Variants in SSB observed in about 807,000 individuals in gnomAD.
SSB encodes the protein lupus La protein.
Under a neutral mutation model 52.9 loss-of-function variants are expected in SSB, and 17 were observed. The observed-to-expected ratio is 0.32, with a 90% CI of 0.22 to 0.48. The LOEUF (loss-of-function observed/expected upper bound fraction) is 0.48, where lower values mean the gene tolerates loss of function less well. SSB is among the 20% of genes least tolerant of loss of function. The pLI is 0.99. For missense variants in SSB, 314 were observed against 463.6 expected (o/e 0.68, Z 2.96); for synonymous variants, 111 against 152.1 (o/e 0.73, Z 1.99).
rs1374573587 is a variant in SSB, at chr2:169,805,603, T to C, written c.170+26T>C. 8.1e-6 allele frequency: 13 copies of C among 1,612,230 alleles called. No homozygotes were observed. In the East Asian group the frequency reaches 2.7e-4, roughly 33 times the overall value. ...GTAACAAGCTTTTAAAAATAATCTT[T>C]AGGTTTTCTGTTTACAATGAGTGCT... On this transcript the variant is annotated intron_variant, in intron 3 of 11. Coordinates refer to ENST00000260956, the MANE Select transcript of SSB (RefSeq NM_003142.5).
At chr2:169,811,420 C>T in intron 11 of SSB, 97 bp downstream of exon 11, 3 of 1,394,290 alleles carry the variant, frequency 2.2e-6, no homozygotes, top group Non-Finnish European at 2.9e-6. Flanking sequence ...GGCTTTTCAA[C>T]TCCTGGATAA....
chr2:169,800,626 C>T (rs7572691), intron 1 of SSB, among the ~76,000 whole-genome samples: 117,708 of 151,068 alleles, frequency 0.78, 46,858 homozygotes, highest in South Asian at 0.88. Flanking sequence ...CTGTTTAAAA[C>T]TGGAAATGGT....
chr2:169,800,442 C>T (rs1249533195), intron 1 of SSB, among the ~76,000 whole-genome samples: 1 of 146,004 alleles, frequency 6.8e-6, no homozygotes, highest in Non-Finnish European at 1.5e-5. Context: ...GAGGCGAAGG[C>T]GGAATCGCTG....
rs1319868994 is a variant in SSB at position 169,799,266 on chromosome 2, T to A, written c.-10+290T>A. On this transcript the variant is annotated intron_variant, in intron 1 of 11. Transcript: ENST00000260956. ...AGAGACGGGACTGTGGCTGCCCTCA[T>A]CCCCATTGCGTCTTTTTTTTTTTTT... 3.0e-5 allele frequency: 4 copies of A among 133,478 alleles called. No homozygotes were observed. The Admixed American group carries it at 3.2e-4, about 11-fold the overall frequency. The allele number at this position is 133,478 out of a possible 1,614,324, so 8.3% of individuals were successfully genotyped here.
At chr2:169,806,764 A>G (rs759224561) in intron 4 of SSB, 21 bp from the exon 5 acceptor site, 1 of 1,555,136 alleles carries the variant, frequency 6.4e-7, no homozygotes, top group Middle Eastern at 1.7e-4. Context: ...TTATTTGTAC[A>G]TTTCTTCCCA....
intron 2 of SSB, 99 bp from the exon 3 acceptor site, chr2:169,805,375 T>C: frequency 1.2e-6 from 1 of 827,616 alleles, no homozygotes. Context: ...TTTTGTAACT[T>C]ATGTATTTTT....
In SSB at chr2:169,805,611, C is replaced by T. The variant is rs1242917938; in HGVS notation, c.170+34C>T. On this transcript the variant is annotated intron_variant, in intron 3 of 11. Transcript: ENST00000260956. Reference sequence around the variant, plus strand: ...CTTTTAAAAATAATCTTTAGGTTTTCTGTTTACAATGAGTGCTACTGCTGA... The same window carrying T: ...CTTTTAAAAATAATCTTTAGGTTTTTTGTTTACAATGAGTGCTACTGCTGA... 6 of 1,611,928 alleles carry T rather than the reference C, an allele frequency of 3.7e-6. No individual in the cohort carries two copies. The Admixed American group carries it at 6.7e-5, about 18-fold the overall frequency.
chr2:169,807,083 TGCTGATGTTTCTCC>T lies in SSB; in HGVS notation c.554+13_554+26del. On this transcript the variant is annotated intron_variant, in intron 6 of 11. Transcript: ENST00000260956. ...CTAATACTTTTCAAGTAAGTCTTTT[TGCTGATGTTTCTCC>T]TGGCCTTTTACTTATATGGACACAC... is the stretch of plus-strand genomic sequence containing the variant. 1 of 1,609,796 alleles carries T rather than the reference TGCTGATGTTTCTCC, an allele frequency of 6.2e-7. No homozygotes were observed. Among genetic ancestry groups the T allele is most frequent in the South Asian group, 1.1e-5 (1 of 90,778 alleles).
At position 169,811,938 on chromosome 2, in the gene SSB, T is replaced by C. The variant is rs1689973548; in HGVS notation, c.*182T>C. The C allele has an allele frequency of 6.8e-7, 1 of 1,471,130 alleles. No individual in the cohort carries two copies. The highest frequency in any genetic ancestry group is 2.3e-5 in the East Asian group (1 of 43,952). 91.1% of individuals were successfully genotyped at this position (1,471,130 alleles called of 1,614,324 possible). ...TGAGATTTCTTTGAATGTATTGTTC[T>C]GTTTGTGTTATTTCAGATGATTCAA... On this transcript the variant is annotated 3_prime_UTR_variant, in exon 12 of 12. Coordinates refer to ENST00000260956, the MANE Select transcript of SSB (RefSeq NM_003142.5).
chr2:169,810,139 C>T (rs1229495444), intron 8 of SSB, 144 bp from the exon 9 acceptor site: 1 of 436,232 alleles, frequency 2.3e-6, no homozygotes, highest in Non-Finnish European at 4.0e-6. Flanking sequence ...GAGTTTCGCT[C>T]TTGCTGCCCC....
intron 2 of SSB, among the ~76,000 whole-genome samples, chr2:169,805,203 C>T (rs1448273356): frequency 2.0e-5 from 3 of 152,194 alleles, no homozygotes; most frequent in African/African-American, 7.2e-5. Context: ...TCTTTCCACA[C>T]TGATTTGCAA....
chr2:169,806,734 A>C, intron 4 of SSB, 51 bp from the exon 5 acceptor site: 4 of 1,389,666 alleles, frequency 2.9e-6, no homozygotes, highest in Non-Finnish European at 4.0e-6. Context: ...CCAATTGTTT[A>C]TCTGAGAAGT....
intron 2 of SSB, among the ~76,000 whole-genome samples, chr2:169,801,916 C>T (rs1056499228): frequency 2.0e-5 from 3 of 152,108 alleles, no homozygotes; most frequent in Non-Finnish European, 4.4e-5. Context: ...TAACGTAATA[C>T]CTCAAGTGAT....
intron 4 of SSB, 85 bp downstream of exon 4, chr2:169,805,924 C>T: frequency 8.0e-7 from 1 of 1,247,358 alleles, no homozygotes; most frequent in Non-Finnish European, 1.1e-6. Context: ...GAATCACAGC[C>T]TCACTAATTA....
intron 2 of SSB, among the ~76,000 whole-genome samples, chr2:169,803,831 C>T (rs1057099015): frequency 4.6e-5 from 7 of 152,008 alleles, no homozygotes; most frequent in African/African-American, 1.7e-4. Context: ...CTCCACCTCC[C>T]GGGTTCAAGC....
At position 169,811,961 on chromosome 2, in the gene SSB, C is replaced by G. The variant is rs1225526640; in HGVS notation, c.*205C>G. The G allele has an allele frequency of 7.6e-5, 99 of 1,303,882 alleles. No individual in the cohort carries two copies. The highest frequency in any genetic ancestry group is 1.0e-4 in the Non-Finnish European group (97 of 934,056). 80.8% of individuals were successfully genotyped at this position (1,303,882 alleles called of 1,614,324 possible). A position where few individuals can be genotyped will look rare whatever the true frequency, so the allele number is the denominator to read the frequency against. ...TCTGTTTGTGTTATTTCAGATGATT[C>G]AAATATCAAAAGGAAGATTCTTCCA... On this transcript the variant is annotated 3_prime_UTR_variant, in exon 12 of 12. Transcript: ENST00000260956.
chr2:169,803,958 C>T (rs1031779727), intron 2 of SSB, among the ~76,000 whole-genome samples: 21 of 152,068 alleles, frequency 1.4e-4, no homozygotes, highest in Admixed American at 7.9e-4. Flanking sequence ...AGTCTGTTGT[C>T]GAACTTCTGG....
At position 169,811,683 on chromosome 2, in the gene SSB, C is replaced by T. The variant is rs1689960991; in HGVS notation, c.1154C>T (p.Ala385Val). ...TACGTTATAGGACCTGTGAAAAGAGCAAGAGAAGAAACAGACAAAGAAGAA... is the reference window on the plus strand; with the variant it reads ...TACGTTATAGGACCTGTGAAAAGAGTAAGAGAAGAAACAGACAAAGAAGAA... Reference protein sequence around the residue: ...ENGATGPVKRAREETDKEEPA... With the variant: ...ENGATGPVKRVREETDKEEPA... Residue 385 changes from alanine (A) to valine (V), a missense_variant, in exon 12 of 12, where the codon GCA (alanine) becomes GTA (valine). Transcript: ENST00000260956. The T allele has an allele frequency of 3.1e-6, 5 of 1,612,370 alleles. No homozygotes were observed. The highest frequency in any genetic ancestry group is 3.4e-5 in the Admixed American group (2 of 59,668).
intron 8 of SSB, among the ~76,000 whole-genome samples, chr2:169,809,676 G>C (rs1226249547): frequency 6.6e-6 from 1 of 151,638 alleles, no homozygotes; most frequent in Admixed American, 6.6e-5. Context: ...GCAGTGGCGC[G>C]ATCTCGGCTC....
Sources: gnomAD v4.1 joint callset for allele counts (sites outside exome capture counted in the v4.1 genomes callset) on GRCh38, gnomAD v4.1.1 for gene constraint, MANE v1.5 for transcripts, NCBI Gene and HGNC (gene_info 2026-07-23, HGNC 2026-07-21) for gene names.